Variants in ERC1 observed in about 807,000 individuals in gnomAD.
The protein encoded by ERC1 is RAB6 interacting protein 2.
In ERC1, 56 loss-of-function variants were observed where a neutral mutation model predicts 132.0. That is an observed-to-expected ratio of 0.42 (90% CI 0.34 to 0.53). The LOEUF (loss-of-function observed/expected upper bound fraction) is 0.53. ERC1 is among the 20% of genes least tolerant of loss of function. ERC1 has a pLI of 0.03. For synonymous variants in ERC1, 478 were observed against 476.1 expected (o/e 1.00, Z -0.05); for missense variants, 1,202 against 1,349.9 (o/e 0.89, Z 1.72).
intron 15 of ERC1, among the ~76,000 whole-genome samples, chr12:1,310,886 C>T (rs760740779): frequency 6.6e-6 from 1 of 152,272 alleles, no homozygotes; most frequent in Non-Finnish European, 1.5e-5. Context: ...CTGCAGGCTT[C>T]TTACTGCGTG....
chr12:1,166,773 G>A (rs1952465107), intron 8 of ERC1, among the ~76,000 whole-genome samples: 2 of 152,100 alleles, frequency 1.3e-5, no homozygotes, highest in Admixed American at 6.5e-5. Flanking sequence ...TTTTTCAGCT[G>A]GATGAATGTA....
chr12:1,095,228 A>C, intron 3 of ERC1, among the ~76,000 whole-genome samples: 1 of 152,000 alleles, frequency 6.6e-6, no homozygotes, highest in East Asian at 1.9e-4. Flanking sequence ...TCAGGAGTTC[A>C]AGATCAGCCT....
chr12:1,239,398 A>T (rs1449715693), intron 13 of ERC1, among the ~76,000 whole-genome samples: 2 of 151,944 alleles, frequency 1.3e-5, no homozygotes, highest in African/African-American at 2.4e-5. Flanking sequence ...TGTTAGGGGT[A>T]CTCCCCACCA....
chr12:1,418,666 T>TTTCTTTCTTTC (rs1555077126), intron 17 of ERC1, among the ~76,000 whole-genome samples: 44 of 86,748 alleles, frequency 5.1e-4, no homozygotes, highest in Non-Finnish European at 6.8e-4. Flanking sequence ...TCTCTCTTTC[T>TTTCTTTCTTTC]TTTCTTTCTT....
chr12:1,039,392 T>TG (rs1969783397), intron 2 of ERC1, among the ~76,000 whole-genome samples: 1 of 148,980 alleles, frequency 6.7e-6, no homozygotes, highest in Admixed American at 6.7e-5. Flanking sequence ...TTAGCTGGCA[T>TG]GGTGGTATGT....
chr12:1,335,341 T>C (rs2083222527), intron 15 of ERC1, among the ~76,000 whole-genome samples: 1 of 152,232 alleles, frequency 6.6e-6, no homozygotes, highest in Non-Finnish European at 1.5e-5. Flanking sequence ...CTTTTGTTTA[T>C]TCAGTATGAT....
chr12:1,134,210 TA>T (rs1023504853), intron 7 of ERC1, among the ~76,000 whole-genome samples: 1 of 152,156 alleles, frequency 6.6e-6, no homozygotes, highest in Non-Finnish European at 1.5e-5. Flanking sequence ...CCCCCTTGAT[TA>T]TATTAAAGAG....
At chr12:1,207,778 A>C (rs937363679) in intron 12 of ERC1, among the ~76,000 whole-genome samples, 4 of 152,230 alleles carry the variant, frequency 2.6e-5, no homozygotes, top group African/African-American at 9.6e-5. Context: ...AATTCTGTAA[A>C]TCAGCTGAAG....
At chr12:1,242,920 G>C (rs570299094) in intron 13 of ERC1, among the ~76,000 whole-genome samples, 2 of 152,276 alleles carry the variant, frequency 1.3e-5, no homozygotes, top group East Asian at 3.9e-4. Flanking sequence ...GGGCGCGGTG[G>C]CTCACGCCTG....
chr12:1,444,918 T>TG, intron 18 of ERC1, 168 bp downstream of exon 18: 1 of 411,430 alleles, frequency 2.4e-6, no homozygotes, highest in Non-Finnish European at 4.2e-6. Context: ...GGAGCTACCT[T>TG]GGGGAATTCC....
chr12:1,366,859 G>A (rs1027377827), intron 15 of ERC1, among the ~76,000 whole-genome samples: 8 of 152,264 alleles, frequency 5.3e-5, no homozygotes, highest in Admixed American at 5.2e-4. Flanking sequence ...TAAAATGTTA[G>A]TGTTGACATT....
chr12:1,452,747 T>C (rs2093452038), intron 18 of ERC1, among the ~76,000 whole-genome samples: 1 of 152,216 alleles, frequency 6.6e-6, no homozygotes, highest in Non-Finnish European at 1.5e-5. Flanking sequence ...AAATGTTAAA[T>C]AGTCTAAGTA....
In ERC1 at chr12:1,141,620, G is replaced by C. The variant is rs1949872344; in HGVS notation, c.1570G>C (p.Val524Leu). ...EQRAAILQTEVDALRLRLEEK... is the reference protein window; with the variant it reads ...EQRAAILQTELDALRLRLEEK... Reference sequence around the variant, plus strand: ...ACTTGTAAAACTCCTACATTCTTAGGTGGATGCTCTCCGATTGCGTTTGGA... The same window carrying C: ...ACTTGTAAAACTCCTACATTCTTAGCTGGATGCTCTCCGATTGCGTTTGGA... The change falls in exon 8 of 19, where the codon GTG becomes CTG. Residue 524 changes from valine (V) to leucine (L), a missense_variant and splice_region_variant. Coordinates refer to ENST00000360905, the MANE Select transcript of ERC1 (RefSeq NM_178040.4). The C allele has an allele frequency of 6.2e-7, 1 of 1,602,546 alleles. No homozygotes were observed. Among genetic ancestry groups the C allele is most frequent in the Non-Finnish European group, 8.5e-7 (1 of 1,174,434 alleles).
chr12:1,343,289 AT>A (rs755716030), intron 15 of ERC1, among the ~76,000 whole-genome samples: 1 of 151,982 alleles, frequency 6.6e-6, no homozygotes. Context: ...CCCAACTAGT[AT>A]TTTCCCCCCT....
At chr12:1,393,605 CACGTGTGTGT>C (rs1212476567) in intron 16 of ERC1, among the ~76,000 whole-genome samples, 23 of 85,630 alleles carry the variant, frequency 2.7e-4, no homozygotes, top group African/African-American at 9.6e-4. Flanking sequence ...AGAGAGAACA[CACGTGTGTGT>C]GTGTGTGTGT....
At chr12:1,136,178 G>A (rs972506212) in intron 7 of ERC1, among the ~76,000 whole-genome samples, 2 of 152,138 alleles carry the variant, frequency 1.3e-5, no homozygotes, top group African/African-American at 2.4e-5. Context: ...GATGCTTTCC[G>A]TGGCTAAGGC....
In ERC1 at chr12:1,255,019, G is replaced by A. The variant is rs182058477; in HGVS notation, c.2488-8015G>A. On this transcript the variant is annotated intron_variant, in intron 13 of 18. Transcript: ENST00000360905. Reference sequence around the variant, plus strand: ...GCAGTTTTGTTACATAGGTATACATGTGCCATGGTGAGTTGCTGCACCCAT... The same window carrying A: ...GCAGTTTTGTTACATAGGTATACATATGCCATGGTGAGTTGCTGCACCCAT... Among the ~76,000 whole-genome samples the A allele has an allele frequency of 1.4e-3, 215 of 149,696 alleles. 1 individual carries two copies. Among genetic ancestry groups the A allele is most frequent in the African/African-American group, 4.7e-3 (192 of 40,542 alleles).
intron 2 of ERC1, among the ~76,000 whole-genome samples, chr12:1,057,429 A>G (rs1973173897): frequency 6.6e-6 from 1 of 152,102 alleles, no homozygotes; most frequent in Non-Finnish European, 1.5e-5. Context: ...CCCAGCCTGT[A>G]TATCTTCTTT....
intron 17 of ERC1, among the ~76,000 whole-genome samples, chr12:1,437,391 A>G (rs1444388956): frequency 6.6e-6 from 1 of 152,164 alleles, no homozygotes; most frequent in Non-Finnish European, 1.5e-5. Flanking sequence ...CCTGGTTTTA[A>G]TGTATCTTAC....
Sources: gnomAD v4.1 joint callset for allele counts (sites outside exome capture counted in the v4.1 genomes callset) on GRCh38, gnomAD v4.1.1 for gene constraint, MANE v1.5 for transcripts, NCBI Gene and HGNC (gene_info 2026-07-23, HGNC 2026-07-21) for gene names.